Variants in ASPH observed in about 807,000 individuals in gnomAD.
ASPH encodes aspartate beta-hydroxylase.
In ASPH, 100 loss-of-function variants were observed where a neutral mutation model predicts 118.4. The ratio of observed to expected loss-of-function variants is 0.84; its 90% CI spans 0.72 to 1.00. The LOEUF (loss-of-function observed/expected upper bound fraction) is 1.00. Ranked by LOEUF, ASPH falls within the 50% of genes least tolerant of loss-of-function variation. ASPH has a pLI of 0.00. For missense variants in ASPH, 920 were observed against 919.5 expected (o/e 1.00, Z -0.01); for synonymous variants, 315 against 325.6 (o/e 0.97, Z 0.35).
At chr8:61,634,147 T>C (rs1281907170) in intron 12 of ASPH, among the ~76,000 whole-genome samples, 1 of 152,206 alleles carries the variant, frequency 6.6e-6, no homozygotes, top group African/African-American at 2.4e-5. Flanking sequence ...TTCCAGATAA[T>C]ATATTCTGAG....
rs16927582 is a variant in ASPH, at chr8:61,581,414, C to T, written c.1062+2530G>A. 3.8e-3 allele frequency among the ~76,000 whole-genome samples: 575 copies of T among 152,298 alleles called. 13 individuals are homozygous for T. Among genetic ancestry groups the T allele is most frequent in the East Asian group, 0.023 (119 of 5,190 alleles). ...AGACAGTTCATGGGAGAGACATGGA[C>T]GTAGGCCACACTGTGTTGACATGAG... On this transcript the variant is annotated intron_variant, in intron 15 of 24. Coordinates refer to ENST00000379454, the MANE Select transcript of ASPH (RefSeq NM_004318.4).
At chr8:61,653,688 T>C (rs757000558) in intron 3 of ASPH, 28 bp from the exon 4 acceptor site, 24 of 1,605,070 alleles carry the variant, frequency 1.5e-5, no homozygotes, top group Non-Finnish European at 1.9e-5. Flanking sequence ...CAAAGTTAAC[T>C]TGAGTTTTTG....
chr8:61,697,014 C>T (rs1834052287), intron 1 of ASPH, among the ~76,000 whole-genome samples: 1 of 152,146 alleles, frequency 6.6e-6, no homozygotes, highest in Non-Finnish European at 1.5e-5. Flanking sequence ...GCAAAAGATC[C>T]ATGGCCCTCC....
chr8:61,583,944 C>T lies in ASPH; in HGVS notation c.1062G>A (p.Arg354=), dbSNP rs1408287251. ...ELDAAEKLRK[R]GKIEEAVNAF... ...CATTGCACAAAAAATATCAACCTACCCTTTTACGGAGTTTTTCTGCAGCAT... is the reference window on the plus strand; with the variant it reads ...CATTGCACAAAAAATATCAACCTACTCTTTTACGGAGTTTTTCTGCAGCAT... Residue 354 remains arginine, a splice_region_variant and synonymous_variant, in exon 15 of 25, where the codon AGG becomes AGA. Transcript: ENST00000379454. 4 of 1,568,910 alleles carry T rather than the reference C, an allele frequency of 2.5e-6. No individual in the cohort carries two copies. Among genetic ancestry groups the T allele is most frequent in the South Asian group, 1.2e-5 (1 of 84,552 alleles).
At chr8:61,562,358 C>CA (rs66585881) in intron 18 of ASPH, among the ~76,000 whole-genome samples, 10,219 of 111,224 alleles carry the variant, frequency 0.092, 795 homozygotes, top group East Asian at 0.17. Flanking sequence ...ATACTTCTGC[C>CA]AAAAAAAAAA....
intron 1 of ASPH, among the ~76,000 whole-genome samples, chr8:61,698,500 G>C (rs1834460904): frequency 1.3e-5 from 2 of 152,210 alleles, no homozygotes; most frequent in African/African-American, 4.8e-5. Flanking sequence ...TCAGCTATCT[G>C]GAAGCTCCAG....
chr8:61,710,374 C>T (rs915280820), intron 1 of ASPH, among the ~76,000 whole-genome samples: 1 of 152,142 alleles, frequency 6.6e-6, no homozygotes, highest in Non-Finnish European at 1.5e-5. Context: ...GATGGATAGA[C>T]CCTATGAGCC....
chr8:61,697,970 A>G (rs1042443838), intron 1 of ASPH, among the ~76,000 whole-genome samples: 2 of 152,060 alleles, frequency 1.3e-5, no homozygotes, highest in East Asian at 3.9e-4. Flanking sequence ...AGAAAAAAAA[A>G]AAATGTCTTG....
intron 1 of ASPH, among the ~76,000 whole-genome samples, chr8:61,687,128 TAAAAC>T (rs1041807903): frequency 7.9e-5 from 12 of 152,072 alleles, no homozygotes; most frequent in Non-Finnish European, 1.3e-4. Context: ...AAATAGCTAA[TAAAAC>T]AAAGTAATAG....
chr8:61,633,595 T>G lies in ASPH; in HGVS notation c.934+88A>C, dbSNP rs142511725. 5.8e-5 allele frequency: 69 copies of G among 1,183,846 alleles called. No individual in the cohort carries two copies. The East Asian group carries it at 1.7e-3, about 29-fold the overall frequency. The allele number at this position is 1,183,846 out of a possible 1,614,324, so 73.3% of individuals were successfully genotyped here. A position where few individuals can be genotyped will look rare whatever the true frequency, so the allele number is the denominator to read the frequency against. ...TAATCTCTCTCAAAATTTTTATCCT[T>G]CGTAGATTCATTATAAAGCTATTGG... is the stretch of plus-strand genomic sequence containing the variant. On this transcript the variant is annotated intron_variant, in intron 13 of 24. Transcript: ENST00000379454.
intron 3 of ASPH, chr8:61,675,538 C>T (rs1824829146): frequency 3.1e-6 from 3 of 979,986 alleles, no homozygotes; most frequent in Non-Finnish European, 3.6e-6. Context: ...TTGTATGAAC[C>T]TATCTGACAA....
At chr8:61,638,684 T>C (rs1859026628) in intron 10 of ASPH, among the ~76,000 whole-genome samples, 1 of 152,216 alleles carries the variant, frequency 6.6e-6, no homozygotes, top group Non-Finnish European at 1.5e-5. Context: ...CTGGTGTTCA[T>C]GGGCAGATTC....
At position 61,714,443 on chromosome 8, in the gene ASPH, G is replaced by T; in HGVS notation, c.-72C>A. ...GCGCGGGGGTACACACGCGACGCGGGAACCGCTGGCGGCGGCGGGCCGCTG... is the reference window on the plus strand; with the variant it reads ...GCGCGGGGGTACACACGCGACGCGGTAACCGCTGGCGGCGGCGGGCCGCTG... On this transcript the variant is annotated 5_prime_UTR_variant, in exon 1 of 25. Transcript: ENST00000379454. 1 of 1,368,054 alleles carries T rather than the reference G, an allele frequency of 7.3e-7. No individual in the cohort carries two copies. Among genetic ancestry groups the T allele is most frequent in the Non-Finnish European group, 9.4e-7 (1 of 1,059,894 alleles). The allele number at this position is 1,368,054 out of a possible 1,614,324, so 84.7% of individuals were successfully genotyped here. A position where few individuals can be genotyped will look rare whatever the true frequency, so the allele number is the denominator to read the frequency against.
chr8:61,577,044 C>T (rs1166401493), intron 15 of ASPH, among the ~76,000 whole-genome samples, 186 bp from the exon 16 acceptor site: 1 of 151,892 alleles, frequency 6.6e-6, no homozygotes, highest in Non-Finnish European at 1.5e-5. Flanking sequence ...GTAATGAACA[C>T]ATATTTACTT....
At chr8:61,549,864 C>T (rs981167410) in intron 20 of ASPH, among the ~76,000 whole-genome samples, 2 of 152,082 alleles carry the variant, frequency 1.3e-5, no homozygotes, top group Admixed American at 6.5e-5. Flanking sequence ...AAAATAAAAA[C>T]AGCAAACATT....
At chr8:61,526,562 AAT>A (rs1253701117) in intron 21 of ASPH, among the ~76,000 whole-genome samples, 1 of 152,248 alleles carries the variant, frequency 6.6e-6, no homozygotes, top group Non-Finnish European at 1.5e-5. Context: ...AAAGATGGTC[AAT>A]ATAAGTTAAA....
chr8:61,632,165 C>T (rs1855895971), intron 13 of ASPH, among the ~76,000 whole-genome samples: 1 of 152,096 alleles, frequency 6.6e-6, no homozygotes, highest in African/African-American at 2.4e-5. Context: ...TCTTAAAAAT[C>T]TAAAAAAGCA....
At chr8:61,597,635 CA>C (rs1324128146) in intron 14 of ASPH, among the ~76,000 whole-genome samples, 5 of 151,920 alleles carry the variant, frequency 3.3e-5, no homozygotes, top group Admixed American at 1.3e-4. Flanking sequence ...ATAAAAACAG[CA>C]AAAGAATCAA....
Position 61,642,383 on chromosome 8 carries a change from T to A in ASPH, c.790+505A>T, listed in dbSNP as rs28670423. 5.5e-3 allele frequency among the ~76,000 whole-genome samples: 838 copies of A among 152,258 alleles called. 9 individuals carry two copies. Among genetic ancestry groups the A allele is most frequent in the African/African-American group, 0.019 (787 of 41,546 alleles). On this transcript the variant is annotated intron_variant, in intron 10 of 24. Transcript: ENST00000379454. ...GCCTCCTAAGGCAACTTGTAAAGAG[T>A]TTAAGAAATTATTTAGGCAATGGCA...
Sources: gnomAD v4.1 joint callset for allele counts (sites outside exome capture counted in the v4.1 genomes callset) on GRCh38, gnomAD v4.1.1 for gene constraint, MANE v1.5 for transcripts, NCBI Gene and HGNC (gene_info 2026-07-23, HGNC 2026-07-21) for gene names.